AGPAT3: variants seen among roughly 807,000 people sequenced by gnomAD.
AGPAT3 encodes 1-acylglycerol-3-phosphate O-acyltransferase 3, also known as 1-acyl-sn-glycerol-3-phosphate acyltransferase gamma.
Under a neutral mutation model 47.3 loss-of-function variants are expected in AGPAT3, and 5 were observed. The observed-to-expected ratio is 0.11, with a 90% CI of 0.06 to 0.22. The LOEUF (loss-of-function observed/expected upper bound fraction) is 0.22, where lower values mean the gene tolerates loss of function less well. Ranked by LOEUF, AGPAT3 falls within the 10% of genes least tolerant of loss-of-function variation. AGPAT3 has a pLI of 1.00. For missense variants in AGPAT3, 315 were observed against 493.0 expected (o/e 0.64, Z 3.42); for synonymous variants, 212 against 208.3 (o/e 1.02, Z -0.15).
chr21:43,932,933 A>C lies in AGPAT3; in HGVS notation c.-48-26701A>C, dbSNP rs1240598632. 6.6e-6 allele frequency among the ~76,000 whole-genome samples: 1 copy of C among 152,192 alleles called. No individual in the cohort carries two copies. Among genetic ancestry groups the C allele is most frequent in the East Asian group, 1.9e-4 (1 of 5,198 alleles). ...CCAAAGTGCTGGGATTACAGGTGTGAGCCACCGCCCTGGGCCAGTAGTTCC... is the reference window on the plus strand; with the variant it reads ...CCAAAGTGCTGGGATTACAGGTGTGCGCCACCGCCCTGGGCCAGTAGTTCC... On this transcript the variant is annotated intron_variant, in intron 2 of 9. Coordinates refer to ENST00000291572, the MANE Select transcript of AGPAT3 (RefSeq NM_020132.5). This position sits in a 1 kb window ranked among gnomAD's most constrained non-coding sequence, Gnocchi z 5.2.
intron 1 of AGPAT3, among the ~76,000 whole-genome samples, chr21:43,890,711 C>T (rs1379741248): frequency 2.9e-5 from 2 of 67,904 alleles, no homozygotes; most frequent in Non-Finnish European, 7.0e-5. Flanking sequence ...CTGTGCCCAG[C>T]CAGGTTTTTT....
At position 43,984,962 on chromosome 21, in the gene AGPAT3, C is replaced by G. The variant is rs1569116000; in HGVS notation, c.*2570C>G. 2.6e-6 allele frequency: 1 copy of G among 378,214 alleles called. No homozygotes were observed. Among genetic ancestry groups the G allele is most frequent in the South Asian group, 1.9e-5 (1 of 51,312 alleles). 23.4% of individuals were successfully genotyped at this position (378,214 alleles called of 1,614,324 possible). Reference sequence around the variant, plus strand: ...CCTGGCATCGCTGATGCCCTCTGCACCCAGTCCTTGAGCCAGGCCGAGGAC... The same window carrying G: ...CCTGGCATCGCTGATGCCCTCTGCAGCCAGTCCTTGAGCCAGGCCGAGGAC... On this transcript the variant is annotated 3_prime_UTR_variant, in exon 10 of 10. Transcript: ENST00000291572.
rs895213783 is a variant in AGPAT3, at chr21:43,908,429, G to A, written c.-49+4410G>A. 3.9e-5 allele frequency among the ~76,000 whole-genome samples: 6 copies of A among 152,210 alleles called. No individual in the cohort carries two copies. The highest frequency in any genetic ancestry group is 8.8e-5 in the Non-Finnish European group (6 of 68,046). On this transcript the variant is annotated intron_variant, in intron 2 of 9. Transcript: ENST00000291572. This position sits in a 1 kb window ranked among gnomAD's most constrained non-coding sequence, Gnocchi z 4.9. ...CCGATCAGGGGGAGCACATGGGCTG[G>A]GAACTTGTGGAACCCGGTGTGTATG... is the stretch of plus-strand genomic sequence containing the variant.
At position 43,952,946 on chromosome 21, in the gene AGPAT3, C is replaced by T. The variant is rs1360488388; in HGVS notation, c.-48-6688C>T. Among the ~76,000 whole-genome samples, 1 of 152,170 alleles carries T rather than the reference C, an allele frequency of 6.6e-6. No individual in the cohort carries two copies. The highest frequency in any genetic ancestry group is 6.5e-5 in the Admixed American group (1 of 15,282). On this transcript the variant is annotated intron_variant, in intron 2 of 9. Coordinates refer to ENST00000291572, the MANE Select transcript of AGPAT3 (RefSeq NM_020132.5). The surrounding 1 kb of genome is among the most constrained non-coding windows in gnomAD (Gnocchi z 5.6). The stretch of plus-strand genomic sequence containing the variant: ...TGGGGGCTGCCCAGGCTATCTGCTG[C>T]GGTCAGGGTGTCAGTGGTGCCACCA...
At position 43,939,929 on chromosome 21, in the gene AGPAT3, C is replaced by A. The variant is rs4487178; in HGVS notation, c.-48-19705C>A. 6.6e-6 allele frequency among the ~76,000 whole-genome samples: 1 copy of A among 152,222 alleles called. No homozygotes were observed. Among genetic ancestry groups the A allele is most frequent in the Non-Finnish European group, 1.5e-5 (1 of 68,028 alleles). On this transcript the variant is annotated intron_variant, in intron 2 of 9. Transcript: ENST00000291572. This position sits in a 1 kb window ranked among gnomAD's most constrained non-coding sequence, Gnocchi z 4.4. The stretch of plus-strand genomic sequence containing the variant: ...CTTATTGGATTAGCCGGTGCCCCGA[C>A]GGCAGAGCCCGCAGCTGTGCGCAGG...
At chr21:43,913,003 A>G (rs988806647) in intron 2 of AGPAT3, among the ~76,000 whole-genome samples, 1 of 152,198 alleles carries the variant, frequency 6.6e-6, no homozygotes, top group Non-Finnish European at 1.5e-5. Flanking sequence ...GCAGACATTG[A>G]GGACGTGTAA....
chr21:43,923,198 G>T (rs757695651), intron 2 of AGPAT3, among the ~76,000 whole-genome samples: 38 of 150,978 alleles, frequency 2.5e-4, no homozygotes, highest in Non-Finnish European at 4.0e-4. Flanking sequence ...TCCTTGTGCT[G>T]CAGGAAGGGA....
intron 2 of AGPAT3, among the ~76,000 whole-genome samples, chr21:43,917,191 G>A (rs530295055): frequency 6.2e-5 from 4 of 64,094 alleles, no homozygotes; most frequent in South Asian, 6.1e-4. Flanking sequence ...CCCCACACAC[G>A]TACCGCTGTC....
chr21:43,960,455 C>T (rs569030794), intron 3 of AGPAT3, among the ~76,000 whole-genome samples: 1 of 152,268 alleles, frequency 6.6e-6, no homozygotes, highest in East Asian at 1.9e-4. Flanking sequence ...GGGACATGAA[C>T]AGGCGCATCT....
At chr21:43,899,509 C>T (rs1405327254) in intron 1 of AGPAT3, among the ~76,000 whole-genome samples, 1 of 152,238 alleles carries the variant, frequency 6.6e-6, no homozygotes, top group African/African-American at 2.4e-5. Flanking sequence ...CTTAGAAGGT[C>T]TGAGCGATTC....
intron 2 of AGPAT3, among the ~76,000 whole-genome samples, chr21:43,958,934 TTGTG>T (rs370090021): frequency 1.7e-3 from 210 of 121,562 alleles, no homozygotes; most frequent in Admixed American, 3.4e-3. Context: ...TGTGTGTGGC[TTGTG>T]TGTGTGTGGC....
intron 1 of AGPAT3, among the ~76,000 whole-genome samples, chr21:43,875,975 G>A (rs978193916): frequency 6.6e-6 from 1 of 151,958 alleles, no homozygotes; most frequent in Non-Finnish European, 1.5e-5. Flanking sequence ...TGTTGGTAGA[G>A]ATGGGGTCTT....
intron 1 of AGPAT3, among the ~76,000 whole-genome samples, chr21:43,893,005 G>A (rs1338068437): frequency 6.6e-6 from 1 of 152,168 alleles, no homozygotes; most frequent in Admixed American, 6.6e-5. Flanking sequence ...TGACTTGGGA[G>A]GATTGCTTGA....
At chr21:43,879,803 A>G (rs1226968501) in intron 1 of AGPAT3, among the ~76,000 whole-genome samples, 1 of 152,162 alleles carries the variant, frequency 6.6e-6, no homozygotes, top group African/African-American at 2.4e-5. Context: ...ACTGCAATCA[A>G]TGAGCACCAC....
At chr21:43,944,405 A>G (rs1367422457) in intron 2 of AGPAT3, among the ~76,000 whole-genome samples, 1 of 152,188 alleles carries the variant, frequency 6.6e-6, no homozygotes, top group Non-Finnish European at 1.5e-5. Context: ...TGGCCTGTAC[A>G]TCCCTGCCTG....
At position 43,976,673 on chromosome 21, in the gene AGPAT3, A is replaced by G. The variant is rs115789398; in HGVS notation, c.768-1373A>G. Among the ~76,000 whole-genome samples the G allele has an allele frequency of 8.9e-3, 1,358 of 152,340 alleles. 19 individuals are homozygous for G. Among genetic ancestry groups the G allele is most frequent in the Middle Eastern group, 0.051 (15 of 294 alleles). ...TGTTTTTAATTTTATTGCTTAATTT[A>G]TATAAACAACCTGTTTATATAAATT... On this transcript the variant is annotated intron_variant, in intron 7 of 9. Coordinates refer to ENST00000291572, the MANE Select transcript of AGPAT3 (RefSeq NM_020132.5).
At position 43,880,040 on chromosome 21, in the gene AGPAT3, C is replaced by T. The variant is rs549929879; in HGVS notation, c.-112+14695C>T. 3.0e-4 allele frequency among the ~76,000 whole-genome samples: 46 copies of T among 152,322 alleles called. No homozygotes were observed. The highest frequency in any genetic ancestry group is 7.9e-4 in the African/African-American group (33 of 41,574). On this transcript the variant is annotated intron_variant, in intron 1 of 9. Transcript: ENST00000291572. This position sits in a 1 kb window ranked among gnomAD's most constrained non-coding sequence, Gnocchi z 4.5. ...CTTGAAGAACAGGGCAGCATGACTC[C>T]GGGGCGGAGGACGCAGCCCTGCATC...
intron 2 of AGPAT3, among the ~76,000 whole-genome samples, chr21:43,906,582 A>C (rs2086501526): frequency 6.6e-6 from 1 of 151,920 alleles, no homozygotes; most frequent in Admixed American, 6.6e-5. Context: ...GCGTGATGGG[A>C]CGCTTGTTCC....
chr21:43,973,015 G>A (rs908549144), intron 7 of AGPAT3, among the ~76,000 whole-genome samples: 1 of 152,214 alleles, frequency 6.6e-6, no homozygotes, highest in Non-Finnish European at 1.5e-5. Context: ...TTCTAATCTC[G>A]AGAGCCTGAG....
Sources: gnomAD v4.1 joint callset for allele counts (sites outside exome capture counted in the v4.1 genomes callset) on GRCh38, gnomAD v4.1.1 for gene constraint, Gnocchi (gnomAD v3.1) non-coding constraint, MANE v1.5 for transcripts, NCBI Gene and HGNC (gene_info 2026-07-23, HGNC 2026-07-21) for gene names.